The following ATF7IP2 variants were observed in gnomAD, a reference collection of about 807,000 sequenced individuals.
ATF7IP2 encodes activating transcription factor 7-interacting protein 2.
Under a neutral mutation model 64.2 loss-of-function variants are expected in ATF7IP2, and 42 were observed. That is an observed-to-expected ratio of 0.65 (90% CI 0.51 to 0.85). The LOEUF (loss-of-function observed/expected upper bound fraction) is 0.85. Ranked by LOEUF, ATF7IP2 falls within the 40% of genes least tolerant of loss-of-function variation. The probability of loss-of-function intolerance (pLI) is 0.00; values close to 1 mark genes in which losing one functional copy is unlikely to be tolerated. For synonymous variants in ATF7IP2, 308 were observed against 272.8 expected (o/e 1.13, Z -1.27); for missense variants, 933 against 784.2 (o/e 1.19, Z -2.27).
intron 8 of ATF7IP2, chr16:10,449,877 T>A (rs577058647): frequency 6.6e-5 from 10 of 152,316 alleles, no homozygotes; most frequent in African/African-American, 2.2e-4. Context: ...CTTTTGAATT[T>A]GTTTGCTCAT....
At position 10,482,152 on chromosome 16, in the gene ATF7IP2, G is replaced by C. The variant is rs777979474; in HGVS notation, c.1952G>C (p.Arg651Thr). ...CTLSQFLASN[R>T]YYFTVQSKDI... ...TTATCTCAGTTTTTAGCTTCCAACAGATACTATTTTACTGTCCAATCAAAA... is the reference window on the plus strand; with the variant it reads ...TTATCTCAGTTTTTAGCTTCCAACACATACTATTTTACTGTCCAATCAAAA... The change falls in exon 14 of 14, where the codon AGA (arginine) becomes ACA (threonine). Residue 651 changes from arginine (R) to threonine (T), a missense_variant. Coordinates refer to ENST00000562102, the MANE Select transcript of ATF7IP2 (RefSeq NM_001393719.1). 6.8e-6 allele frequency: 11 copies of C among 1,613,402 alleles called. No homozygotes were observed. The highest frequency in any genetic ancestry group is 9.3e-6 in the Non-Finnish European group (11 of 1,179,446).
chr16:10,448,843 A>G (rs540421300), intron 8 of ATF7IP2: 9 of 152,208 alleles, frequency 5.9e-5, no homozygotes, highest in African/African-American at 2.2e-4. Flanking sequence ...TTCCAATACT[A>G]TGTTGAATAG....
intron 9 of ATF7IP2, 50 bp downstream of exon 9, chr16:10,457,579 A>G: frequency 7.4e-7 from 1 of 1,344,940 alleles, no homozygotes. Flanking sequence ...TATAATAATG[A>G]ATTTTTTCTT....
intron 8 of ATF7IP2, chr16:10,448,464 T>C: frequency 6.6e-6 from 1 of 152,216 alleles, no homozygotes; most frequent in Non-Finnish European, 1.5e-5. Context: ...TGGTTTGTAG[T>C]TCTCCTTGAA....
intron 8 of ATF7IP2, chr16:10,446,422 T>G (rs1051499582): frequency 2.0e-5 from 3 of 152,212 alleles, no homozygotes; most frequent in Non-Finnish European, 2.9e-5. Context: ...CAACCAACTT[T>G]CCACCAAAGG....
intron 8 of ATF7IP2, chr16:10,448,116 G>C (rs1226904786): frequency 1.3e-5 from 2 of 152,166 alleles, no homozygotes; most frequent in African/African-American, 4.8e-5. Context: ...CCTCTGTTCT[G>C]TTCCATTGGT....
intron 2 of ATF7IP2, among the ~76,000 whole-genome samples, chr16:10,416,995 CT>C (rs1231757193): frequency 2.0e-5 from 3 of 152,154 alleles, no homozygotes; most frequent in Non-Finnish European, 4.4e-5. Flanking sequence ...CATTGCATTT[CT>C]GTATCAAATT....
chr16:10,408,353 C>T (rs940244735), intron 1 of ATF7IP2, among the ~76,000 whole-genome samples: 3 of 152,108 alleles, frequency 2.0e-5, no homozygotes, highest in Non-Finnish European at 4.4e-5. Flanking sequence ...TAGGTGGATA[C>T]CCAATAGTGG....
In ATF7IP2 at chr16:10,482,313, ATACTATTTGCCATTG is replaced by A. The variant is rs2050268114; in HGVS notation, c.*67_*81del. ...TTTGTTTGTTTGCAATGTTACTGTA[ATACTATTTGCCATTG>A]TAAAAGGCCAGCTCAGATTGTGAGC... On this transcript the variant is annotated 3_prime_UTR_variant, in exon 14 of 14. Transcript: ENST00000562102. The A allele has an allele frequency of 7.8e-7, 1 of 1,276,904 alleles. No individual in the cohort carries two copies. Among genetic ancestry groups the A allele is most frequent in the Non-Finnish European group, 1.1e-6 (1 of 921,012 alleles). The allele number at this position is 1,276,904 out of a possible 1,614,324, so 79.1% of individuals were successfully genotyped here.
chr16:10,418,348 C>G (rs1355094890), intron 2 of ATF7IP2, among the ~76,000 whole-genome samples: 2 of 152,184 alleles, frequency 1.3e-5, no homozygotes, highest in Admixed American at 1.3e-4. Context: ...TGTCACACTG[C>G]TGCAGAGATT....
chr16:10,473,594 T>C lies in ATF7IP2; in HGVS notation c.1482+60T>C, dbSNP rs968020805. On this transcript the variant is annotated intron_variant, in intron 11 of 13. Transcript: ENST00000562102. ...TTTAAATATGTTAGTTCAAGGAACT[T>C]TAGTGTTTGCTACATGTTGGATGAT... The C allele has an allele frequency of 1.4e-5, 17 of 1,221,668 alleles. 1 individual carries two copies. In the South Asian group the frequency reaches 1.5e-4, roughly 10 times the overall value. The allele number at this position is 1,221,668 out of a possible 1,614,324, so 75.7% of individuals were successfully genotyped here. A position where few individuals can be genotyped will look rare whatever the true frequency, so the allele number is the denominator to read the frequency against.
intron 9 of ATF7IP2, among the ~76,000 whole-genome samples, chr16:10,468,947 A>G (rs2049685063): frequency 6.6e-6 from 1 of 152,218 alleles, no homozygotes; most frequent in Non-Finnish European, 1.5e-5. Flanking sequence ...CAGAGACTGC[A>G]AAGAATCTAT....
intron 9 of ATF7IP2, among the ~76,000 whole-genome samples, chr16:10,465,588 A>G (rs1368882386): frequency 6.6e-6 from 1 of 150,906 alleles, no homozygotes; most frequent in African/African-American, 2.4e-5. Context: ...AAACACAGAA[A>G]ATTAGCTGGG....
intron 1 of ATF7IP2, among the ~76,000 whole-genome samples, chr16:10,398,543 A>G (rs1483416627): frequency 2.6e-5 from 4 of 152,192 alleles, no homozygotes; most frequent in African/African-American, 7.2e-5. Flanking sequence ...TTCACAGTAG[A>G]TAACAGAATC....
rs148496215 is a variant in ATF7IP2, at chr16:10,445,043, G to A, written c.1194+4581G>A. Among the ~76,000 whole-genome samples the A allele has an allele frequency of 2.1e-3, 316 of 152,242 alleles. 1 individual carries two copies. The highest frequency in any genetic ancestry group is 7.2e-3 in the African/African-American group (300 of 41,546). On this transcript the variant is annotated intron_variant, in intron 8 of 13. Transcript: ENST00000562102. The stretch of plus-strand genomic sequence containing the variant: ...TAGTCCTGGACGTCTTCCCGCAAGT[G>A]GTGATTTTTTTAGAGTTTGCTTATT...
intron 6 of ATF7IP2, among the ~76,000 whole-genome samples, chr16:10,437,206 A>C (rs2048450242): frequency 6.6e-6 from 1 of 152,034 alleles, no homozygotes. Flanking sequence ...TTTTTAGTAG[A>C]GTCGGGGTTT....
chr16:10,457,283 G>C, intron 8 of ATF7IP2, 89 bp from the exon 9 acceptor site: 1 of 1,159,162 alleles, frequency 8.6e-7, no homozygotes, highest in Admixed American at 2.4e-5. Flanking sequence ...CCATATGTAT[G>C]CAAGAATACT....
intron 5 of ATF7IP2, among the ~76,000 whole-genome samples, chr16:10,432,137 A>T (rs147642145): frequency 5.9e-5 from 9 of 151,940 alleles, no homozygotes; most frequent in Non-Finnish European, 8.8e-5. Flanking sequence ...GTGCCCAGCC[A>T]ACCCTATTTC....
At chr16:10,411,549 T>C (rs2047760254) in intron 1 of ATF7IP2, among the ~76,000 whole-genome samples, 1 of 152,098 alleles carries the variant, frequency 6.6e-6, no homozygotes, top group Non-Finnish European at 1.5e-5. Flanking sequence ...TTTGTATTTT[T>C]AGTAGAGATG....
Sources: gnomAD v4.1 joint callset for allele counts (sites outside exome capture counted in the v4.1 genomes callset) on GRCh38, gnomAD v4.1.1 for gene constraint, MANE v1.5 for transcripts, NCBI Gene and HGNC (gene_info 2026-07-23, HGNC 2026-07-21) for gene names.